The following STK33 variants were observed in gnomAD, a reference collection of about 807,000 sequenced individuals.
STK33 encodes the protein serine/threonine kinase 33.
A neutral mutation model predicts 58.0 loss-of-function variants in STK33; 52 were observed. The ratio of observed to expected loss-of-function variants is 0.90; its 90% CI spans 0.72 to 1.13. The LOEUF (loss-of-function observed/expected upper bound fraction) is 1.13. STK33 is among the 50% of genes most tolerant of loss of function. The pLI, the probability that STK33 is intolerant of heterozygous loss-of-function variation, is 0.00. For synonymous variants in STK33, 215 were observed against 200.1 expected (o/e 1.07, Z -0.63); for missense variants, 630 against 604.2 (o/e 1.04, Z -0.45).
At chr11:8,396,247 G>A (rs375206524) in intron 15 of STK33, among the ~76,000 whole-genome samples, 1 of 152,114 alleles carries the variant, frequency 6.6e-6, no homozygotes, top group Non-Finnish European at 1.5e-5. Flanking sequence ...GGGATTGCAG[G>A]TACACACCAC....
intron 1 of STK33, among the ~76,000 whole-genome samples, chr11:8,547,450 G>A (rs1956014588): frequency 6.6e-6 from 1 of 152,172 alleles, no homozygotes; most frequent in African/African-American, 2.4e-5. Flanking sequence ...CTGACCTCAG[G>A]TGATCTGCCC....
intron 1 of STK33, among the ~76,000 whole-genome samples, chr11:8,551,935 G>A (rs1378442637): frequency 5.3e-5 from 8 of 152,182 alleles, no homozygotes; most frequent in South Asian, 4.2e-4. Context: ...CTTCAACATG[G>A]TGTCCCTGCT....
intron 1 of STK33, among the ~76,000 whole-genome samples, chr11:8,578,243 C>A (rs1958322215): frequency 6.6e-6 from 1 of 152,068 alleles, no homozygotes; most frequent in Non-Finnish European, 1.5e-5. Flanking sequence ...CGACAGTAAT[C>A]TCCTAGTTTC....
At chr11:8,385,043 A>T in the STK33 span, among the ~76,000 whole-genome samples, 1 of 152,084 alleles carries the variant, frequency 6.6e-6, no homozygotes, top group East Asian at 1.9e-4. Flanking sequence ...CACCACCATC[A>T]ATCTGGTTAC....
At chr11:8,471,467 TATAAG>T (rs1243633438) in intron 6 of STK33, among the ~76,000 whole-genome samples, 1 of 152,306 alleles carries the variant, frequency 6.6e-6, no homozygotes, top group East Asian at 1.9e-4. Context: ...GTGAAAAGCA[TATAAG>T]ATATGATTTC....
At chr11:8,429,308 C>A (rs528687505) in intron 14 of STK33, among the ~76,000 whole-genome samples, 467 of 152,264 alleles carry the variant, frequency 3.1e-3, no homozygotes, top group African/African-American at 1.0e-2. Context: ...GAAGACTCGT[C>A]ATTTTTCAAA....
chr11:8,476,532 C>A (rs1949293783), intron 4 of STK33, among the ~76,000 whole-genome samples, 155 bp downstream of exon 4: 1 of 152,200 alleles, frequency 6.6e-6, no homozygotes, highest in Admixed American at 6.5e-5. Context: ...ACTCCCTTCT[C>A]AAGGCTTTGC....
chr11:8,343,405 A>G, the STK33 span, among the ~76,000 whole-genome samples: 1 of 152,374 alleles, frequency 6.6e-6, no homozygotes, highest in East Asian at 1.9e-4. Context: ...TGGGGACAGC[A>G]GCAAATTCCT....
chr11:8,583,349 T>A (rs971009521), intron 1 of STK33, among the ~76,000 whole-genome samples: 1 of 152,012 alleles, frequency 6.6e-6, no homozygotes, highest in Non-Finnish European at 1.5e-5. Flanking sequence ...TAAAAAAAAA[T>A]GGCATCTAGT....
intron 1 of STK33, among the ~76,000 whole-genome samples, chr11:8,526,430 G>A (rs1003295388): frequency 6.6e-6 from 1 of 151,898 alleles, no homozygotes; most frequent in South Asian, 2.1e-4. Flanking sequence ...AACTGCTTTG[G>A]AAGACTATTT....
chr11:8,493,390 A>G (rs1950793756), intron 1 of STK33, among the ~76,000 whole-genome samples: 1 of 152,164 alleles, frequency 6.6e-6, no homozygotes, highest in Non-Finnish European at 1.5e-5. Context: ...TCCCAAGACT[A>G]AACAAGGAAG....
the STK33 span, among the ~76,000 whole-genome samples, chr11:8,358,854 T>G: frequency 1.3e-5 from 2 of 152,184 alleles, no homozygotes; most frequent in African/African-American, 4.8e-5. Context: ...AGTTATTAAT[T>G]ACAAACAGAA....
chr11:8,420,042 A>T (rs780000050), intron 14 of STK33, among the ~76,000 whole-genome samples: 2 of 152,126 alleles, frequency 1.3e-5, no homozygotes, highest in Non-Finnish European at 2.9e-5. Context: ...TCCTAGATTC[A>T]AGTGATCCTC....
chr11:8,584,667 G>GCT (rs1012782992), intron 1 of STK33, among the ~76,000 whole-genome samples: 5 of 152,204 alleles, frequency 3.3e-5, no homozygotes, highest in Middle Eastern at 3.4e-3. Context: ...TTCTCCAACA[G>GCT]CTCTCTCTCT....
intron 14 of STK33, among the ~76,000 whole-genome samples, chr11:8,416,581 A>ACTGT (rs1280371535): frequency 6.6e-6 from 1 of 152,148 alleles, no homozygotes; most frequent in African/African-American, 2.4e-5. Flanking sequence ...GTCCCACACT[A>ACTGT]CTGTACAAAG....
intron 15 of STK33, among the ~76,000 whole-genome samples, chr11:8,401,996 G>T (rs977110069): frequency 6.6e-6 from 1 of 152,120 alleles, no homozygotes; most frequent in African/African-American, 2.4e-5. Context: ...GGAGAAATAG[G>T]AACACTTTTA....
chr11:8,505,398 C>A (rs755028235), intron 1 of STK33, among the ~76,000 whole-genome samples: 1 of 152,174 alleles, frequency 6.6e-6, no homozygotes, highest in Non-Finnish European at 1.5e-5. Context: ...CTGACATTCT[C>A]GGACAGATGT....
At position 8,495,316 on chromosome 11, in the gene STK33, C is replaced by T. The variant is rs1232818042; in HGVS notation, c.-465-14702G>A. 5.3e-5 allele frequency among the ~76,000 whole-genome samples: 8 copies of T among 152,182 alleles called. No homozygotes were observed. In the East Asian group the frequency reaches 5.8e-4, roughly 11 times the overall value. On this transcript the variant is annotated intron_variant, in intron 1 of 15. Coordinates refer to ENST00000687296, the MANE Select transcript of STK33 (RefSeq NM_001352389.2). ...TGAACAGACACTTCTCAAAAGAAGACATTTTTGCAGCCAACAAACATATGA... is the reference window on the plus strand; with the variant it reads ...TGAACAGACACTTCTCAAAAGAAGATATTTTTGCAGCCAACAAACATATGA...
At chr11:8,526,124 C>A (rs1159764237) in intron 1 of STK33, among the ~76,000 whole-genome samples, 2 of 152,126 alleles carry the variant, frequency 1.3e-5, no homozygotes, top group African/African-American at 4.8e-5. Context: ...TTAGGCCAGG[C>A]ATGGTGGCTC....
Sources: gnomAD v4.1 joint callset for allele counts (sites outside exome capture counted in the v4.1 genomes callset) on GRCh38, gnomAD v4.1.1 for gene constraint, MANE v1.5 for transcripts, NCBI Gene and HGNC (gene_info 2026-07-23, HGNC 2026-07-21) for gene names.